Variants in NUDCD3 observed in about 807,000 individuals in gnomAD.
The protein encoded by NUDCD3 is NudC domain containing 3.
NUDCD3 carries 13 observed loss-of-function variants against 39.7 expected under a neutral mutation model. The ratio of observed to expected loss-of-function variants is 0.33; its 90% CI spans 0.21 to 0.52. The LOEUF (loss-of-function observed/expected upper bound fraction) is 0.52. Among genes scored for constraint, NUDCD3 ranks in the 20% least tolerant of loss-of-function variants. The pLI, the probability that NUDCD3 is intolerant of heterozygous loss-of-function variation, is 0.96. For synonymous variants in NUDCD3, 175 were observed against 172.4 expected (o/e 1.02, Z -0.12); for missense variants, 453 against 458.1 (o/e 0.99, Z 0.10).
rs567668352 is a variant in NUDCD3, at chr7:44,401,461, T to TGGAG, written c.786+2975_786+2978dup. On this transcript the variant is annotated intron_variant, in intron 4 of 5. Coordinates refer to ENST00000355451, the MANE Select transcript of NUDCD3 (RefSeq NM_015332.4). ...AGAGGCTACGTGGTCCAGAAAGAGG[T>TGGAG]GGAGGCAGGCAGAGCCCTGCACGGG... Among the ~76,000 whole-genome samples, 327 of 152,258 alleles carry TGGAG rather than the reference T, an allele frequency of 2.1e-3. 1 individual carries two copies. The highest frequency in any genetic ancestry group is 5.8e-3 in the South Asian group (28 of 4,824).
Position 44,404,459 on chromosome 7 carries a change from TC to T in NUDCD3, c.766del (p.Glu256SerfsTer8). 6.2e-7 allele frequency: 1 copy of T among 1,614,086 alleles called. No individual in the cohort carries two copies. Among genetic ancestry groups the T allele is most frequent in the Non-Finnish European group, 8.5e-7 (1 of 1,179,980 alleles). ...INTESSLWSL[E>X]PGKCVLVNLS... ...ACTTACCAAAACGCACTTCCCGGGC[TC>T]GAGACTCCAGAGAGAACTCTCAGTG... On this transcript the variant is annotated frameshift_variant, in exon 4 of 6. Coordinates refer to ENST00000355451, the MANE Select transcript of NUDCD3 (RefSeq NM_015332.4). LOFTEE classifies it high-confidence loss of function.
chr7:44,447,091 C>T (rs906340670), intron 2 of NUDCD3, among the ~76,000 whole-genome samples: 9 of 152,214 alleles, frequency 5.9e-5, no homozygotes, highest in Non-Finnish European at 1.2e-4. Flanking sequence ...AGAGATGCTT[C>T]GCCATGAGGC....
chr7:44,451,061 TAGCTGAA>T (rs1187100385), intron 2 of NUDCD3, among the ~76,000 whole-genome samples: 9 of 152,248 alleles, frequency 5.9e-5, no homozygotes, highest in Non-Finnish European at 1.0e-4. Context: ...CTGTTTACAA[TAGCTGAA>T]AGGTGGAAGG....
At chr7:44,455,666 G>A (rs1324593387) in intron 2 of NUDCD3, among the ~76,000 whole-genome samples, 2 of 152,206 alleles carry the variant, frequency 1.3e-5, no homozygotes, top group African/African-American at 4.8e-5. Context: ...AAATGTGAGT[G>A]TAAGAACACG....
At chr7:44,413,205 C>T (rs1034065671) in intron 3 of NUDCD3, 1 of 151,962 alleles carries the variant, frequency 6.6e-6, no homozygotes, top group Non-Finnish European at 1.5e-5. Context: ...AATTCCAGCA[C>T]TTTGGGAGTC....
At chr7:44,423,829 T>C (rs879017948) in intron 3 of NUDCD3, among the ~76,000 whole-genome samples, 6 of 152,172 alleles carry the variant, frequency 3.9e-5, no homozygotes. Context: ...ACAGCCCACA[T>C]AGCCAAGACA....
chr7:44,448,158 C>T (rs147642638), intron 2 of NUDCD3, among the ~76,000 whole-genome samples: 1 of 152,360 alleles, frequency 6.6e-6, no homozygotes, highest in Non-Finnish European at 1.5e-5. Context: ...CCTCCACTCT[C>T]CTTGGCCTTA....
chr7:44,448,994 A>T (rs1397671469), intron 2 of NUDCD3, among the ~76,000 whole-genome samples: 8 of 152,246 alleles, frequency 5.3e-5, no homozygotes, highest in Non-Finnish European at 1.2e-4. Flanking sequence ...TCTACAGAAC[A>T]TTAGGACAAC....
chr7:44,448,158 C>G (rs147642638), intron 2 of NUDCD3, among the ~76,000 whole-genome samples: 2 of 152,242 alleles, frequency 1.3e-5, no homozygotes, highest in Non-Finnish European at 2.9e-5. Context: ...CCTCCACTCT[C>G]CTTGGCCTTA....
At chr7:44,435,866 A>C (rs1194171710) in intron 2 of NUDCD3, among the ~76,000 whole-genome samples, 1 of 152,104 alleles carries the variant, frequency 6.6e-6, no homozygotes, top group African/African-American at 2.4e-5. Context: ...ATCCATTCCA[A>C]CCTACAGGTC....
At chr7:44,386,256 G>T in intron 5 of NUDCD3, 135 bp from the exon 6 acceptor site, 1 of 928,790 alleles carries the variant, frequency 1.1e-6, no homozygotes, top group African/African-American at 1.7e-5. Flanking sequence ...AGACCGGCTG[G>T]CCAGAGAACT....
At chr7:44,488,029 G>C (rs1341469893) in intron 1 of NUDCD3, among the ~76,000 whole-genome samples, 4 of 151,710 alleles carry the variant, frequency 2.6e-5, no homozygotes, top group East Asian at 2.0e-4. Context: ...AAAATATCCA[G>C]GAATATGTGC....
At chr7:44,449,053 TG>T (rs1799739232) in intron 2 of NUDCD3, among the ~76,000 whole-genome samples, 1 of 152,142 alleles carries the variant, frequency 6.6e-6, no homozygotes, top group South Asian at 2.1e-4. Context: ...GTAGAGAGCA[TG>T]GAACAGAGGT....
At chr7:44,393,903 G>A (rs1009070720) in intron 4 of NUDCD3, among the ~76,000 whole-genome samples, 3 of 152,066 alleles carry the variant, frequency 2.0e-5, no homozygotes, top group African/African-American at 4.8e-5. Context: ...CCCCAAGAGG[G>A]AGCACTGGAG....
At chr7:44,453,822 T>C (rs921234543) in intron 2 of NUDCD3, among the ~76,000 whole-genome samples, 5 of 151,916 alleles carry the variant, frequency 3.3e-5, no homozygotes, top group African/African-American at 7.3e-5. Context: ...GGGAGTAGGA[T>C]TGCTTGAGCC....
intron 2 of NUDCD3, among the ~76,000 whole-genome samples, chr7:44,482,057 C>G (rs1380877004): frequency 6.6e-6 from 1 of 152,186 alleles, no homozygotes; most frequent in Non-Finnish European, 1.5e-5. Flanking sequence ...TTTGTTATAG[C>G]AGCCTAAGTG....
chr7:44,467,250 T>A (rs1446242699), intron 2 of NUDCD3, among the ~76,000 whole-genome samples: 5 of 152,156 alleles, frequency 3.3e-5, no homozygotes, highest in Non-Finnish European at 7.4e-5. Context: ...CTCACAATAA[T>A]ACCACCCACA....
intron 3 of NUDCD3, among the ~76,000 whole-genome samples, chr7:44,424,998 T>A (rs1426080882): frequency 3.3e-5 from 5 of 152,184 alleles, no homozygotes; most frequent in Non-Finnish European, 7.3e-5. Context: ...TGCAGGTACA[T>A]GGATGAAGCT....
In NUDCD3 at chr7:44,490,484, G is replaced by A; in HGVS notation, c.117C>T (p.Asp39=). The A allele has an allele frequency of 1.2e-6, 2 of 1,609,108 alleles. No individual in the cohort carries two copies. The highest frequency in any genetic ancestry group is 1.7e-6 in the Non-Finnish European group (2 of 1,177,932). The change falls in exon 1 of 6, where the codon GAC becomes GAT. Residue 39 remains aspartate (D), a synonymous_variant. Transcript: ENST00000355451. ...ATGGGTGGCGCAGCAAGCGATAGAAGTCTGTCTTGCGGTAGAGGAAGCCAA... is the reference window on the plus strand; with the variant it reads ...ATGGGTGGCGCAGCAAGCGATAGAAATCTGTCTTGCGGTAGAGGAAGCCAA... ...VLFGFLYRKT[D]FYRLLRHPSD... is the part of the protein sequence containing the mutation.
Sources: allele counts gnomAD v4.1 joint callset (sites outside exome capture counted in the v4.1 genomes callset), GRCh38; gene constraint gnomAD v4.1.1; transcripts MANE v1.5; gene names NCBI Gene and HGNC (gene_info 2026-07-23, HGNC 2026-07-21).